Variants in FUT9 observed in about 807,000 individuals in gnomAD.
FUT9 encodes 4-galactosyl-N-acetylglucosaminide 3-alpha-L-fucosyltransferase 9.
In FUT9, 15 loss-of-function variants were observed where a neutral mutation model predicts 29.7. The observed-to-expected ratio is 0.51, with a 90% CI of 0.34 to 0.78. The LOEUF is 0.78. Ranked by LOEUF, FUT9 falls within the 30% of genes least tolerant of loss-of-function variation. The pLI, the probability that FUT9 is intolerant of heterozygous loss-of-function variation, is 0.01. For missense variants in FUT9, 319 were observed against 425.4 expected, an observed-to-expected ratio of 0.75 and a Z score of 2.20; for synonymous variants, 169 against 153.7, an observed-to-expected ratio of 1.10 and a Z score of -0.74.
intron 1 of FUT9, among the ~76,000 whole-genome samples, chr6:96,068,200 A>T (rs1770995448): frequency 6.6e-6 from 1 of 152,158 alleles, no homozygotes; most frequent in South Asian, 2.1e-4. Flanking sequence ...GAAATCAACC[A>T]TGTACAGGTC....
rs555878180 is a variant in FUT9, at chr6:96,202,310, G to T, written c.-8-838G>T. Among the ~76,000 whole-genome samples the T allele has an allele frequency of 5.9e-5, 9 of 151,898 alleles. No homozygotes were observed. In the East Asian group the frequency reaches 1.5e-3, roughly 26 times the overall value. The stretch of plus-strand genomic sequence containing the variant: ...TTCATGAAATATAGCCCTTTTTTGA[G>T]AATTTGTTTATTTTTATAATACCGA... On this transcript the variant is annotated intron_variant, in intron 2 of 2. Coordinates refer to ENST00000302103, the MANE Select transcript of FUT9 (RefSeq NM_006581.4).
intron 2 of FUT9, among the ~76,000 whole-genome samples, chr6:96,170,312 AT>A (rs1773088451): frequency 6.6e-6 from 1 of 152,116 alleles, no homozygotes. Flanking sequence ...TAAATGTTTT[AT>A]TGGATAAATG....
chr6:96,018,282 T>C (rs1440688556), intron 1 of FUT9, among the ~76,000 whole-genome samples: 1 of 152,094 alleles, frequency 6.6e-6, no homozygotes, highest in Non-Finnish European at 1.5e-5. Flanking sequence ...AAGCAAGGAG[T>C]AATACTTTGA....
chr6:96,070,831 C>T (rs544134247), intron 1 of FUT9, among the ~76,000 whole-genome samples: 10 of 152,086 alleles, frequency 6.6e-5, no homozygotes, highest in African/African-American at 2.4e-4. Context: ...TATAATATAT[C>T]CTAGATTCTC....
intron 1 of FUT9, among the ~76,000 whole-genome samples, chr6:96,043,436 T>G (rs1335190569): frequency 1.3e-5 from 2 of 152,232 alleles, no homozygotes; most frequent in Non-Finnish European, 2.9e-5. Context: ...TTACAATAGA[T>G]GGCAGTCATA....
intron 2 of FUT9, among the ~76,000 whole-genome samples, chr6:96,119,371 T>C (rs143812528): frequency 2.0e-5 from 3 of 152,314 alleles, no homozygotes; most frequent in African/African-American, 7.2e-5. Context: ...GTTTGTAGCC[T>C]AGAAACAATA....
chr6:96,080,794 A>G (rs1005143382), intron 1 of FUT9, among the ~76,000 whole-genome samples: 2 of 151,908 alleles, frequency 1.3e-5, no homozygotes, highest in Admixed American at 1.3e-4. Context: ...TTCAAAATGC[A>G]TATATCTAAC....
chr6:96,048,034 C>T (rs748324191), intron 1 of FUT9, among the ~76,000 whole-genome samples: 11 of 152,108 alleles, frequency 7.2e-5, no homozygotes, highest in Non-Finnish European at 1.0e-4. Flanking sequence ...ATCTTCTAGA[C>T]GCTGCCTGCA....
At chr6:96,073,883 T>C (rs534772137) in intron 1 of FUT9, among the ~76,000 whole-genome samples, 2 of 152,210 alleles carry the variant, frequency 1.3e-5, no homozygotes, top group Non-Finnish European at 2.9e-5. Context: ...CATTCATTCA[T>C]TCCCAACTTG....
intron 1 of FUT9, among the ~76,000 whole-genome samples, chr6:96,097,113 G>A (rs763481389): frequency 6.6e-6 from 1 of 152,152 alleles, no homozygotes; most frequent in African/African-American, 2.4e-5. Flanking sequence ...GAAGACACAG[G>A]TCAGCATCTA....
At chr6:96,023,251 T>C (rs191826296) in intron 1 of FUT9, among the ~76,000 whole-genome samples, 8 of 152,096 alleles carry the variant, frequency 5.3e-5, no homozygotes, top group African/African-American at 1.9e-4. Flanking sequence ...GGATTAAACA[T>C]TGTGAATCTG....
chr6:96,096,310 A>G (rs539414719), intron 1 of FUT9, among the ~76,000 whole-genome samples: 35 of 152,160 alleles, frequency 2.3e-4, no homozygotes, highest in African/African-American at 8.2e-4. Context: ...CACCTCAATC[A>G]TTCTAATCCA....
At chr6:96,200,154 G>A (rs1032000313) in intron 2 of FUT9, among the ~76,000 whole-genome samples, 4 of 152,122 alleles carry the variant, frequency 2.6e-5, no homozygotes, top group African/African-American at 7.2e-5. Context: ...ATAGGTGTGT[G>A]TGTGTATAAG....
rs1773947815 is a variant in FUT9 at position 96,212,076 on chromosome 6, A to C, written c.*7841A>C. 2.4e-6 allele frequency: 1 copy of C among 412,394 alleles called. No homozygotes were observed. Among genetic ancestry groups the C allele is most frequent in the African/African-American group, 2.1e-5 (1 of 48,598 alleles). The allele number at this position is 412,394 out of a possible 1,614,324, so 25.5% of individuals were successfully genotyped here. ...TGGCTGCATTCCATTTTGATTAATG[A>C]GGGTTCAGGAAATAGAAAGGCAGTC... is the stretch of plus-strand genomic sequence containing the variant. On this transcript the variant is annotated 3_prime_UTR_variant, in exon 3 of 3. Coordinates refer to ENST00000302103, the MANE Select transcript of FUT9 (RefSeq NM_006581.4).
chr6:96,117,112 C>T (rs11751337), intron 2 of FUT9, among the ~76,000 whole-genome samples: 1 of 152,032 alleles, frequency 6.6e-6, no homozygotes, highest in African/African-American at 2.4e-5. Flanking sequence ...TTTGAAAGGA[C>T]AAAATCTGCA....
chr6:96,119,977 T>C (rs4452646), intron 2 of FUT9, among the ~76,000 whole-genome samples: 104,980 of 152,020 alleles, frequency 0.69, 37,459 homozygotes, highest in East Asian at 0.84. Flanking sequence ...AATAATAGTA[T>C]AGTAGGTATA....
intron 2 of FUT9, among the ~76,000 whole-genome samples, chr6:96,122,114 A>G (rs1380180046): frequency 6.6e-6 from 1 of 152,164 alleles, no homozygotes; most frequent in Admixed American, 6.5e-5. Context: ...TCTCCATCTA[A>G]AACTTCTGCT....
rs1416422592 is a variant in FUT9, at chr6:96,198,207, G to A, written c.-8-4941G>A. On this transcript the variant is annotated intron_variant, in intron 2 of 2. Coordinates refer to ENST00000302103, the MANE Select transcript of FUT9 (RefSeq NM_006581.4). ...ATGTATACATGTGCCATGCTGCTGCGCTGCACCCACTAACTCGTCATCTAG... is the reference window on the plus strand; with the variant it reads ...ATGTATACATGTGCCATGCTGCTGCACTGCACCCACTAACTCGTCATCTAG... Among the ~76,000 whole-genome samples the A allele has an allele frequency of 5.3e-5, 8 of 151,570 alleles. No homozygotes were observed. The South Asian group carries it at 1.0e-3, about 20-fold the overall frequency.
chr6:96,087,445 C>A (rs1771336474), intron 1 of FUT9, among the ~76,000 whole-genome samples: 1 of 146,528 alleles, frequency 6.8e-6, no homozygotes, highest in Non-Finnish European at 1.5e-5. Flanking sequence ...CAGCTCACTG[C>A]AACCTCTGCC....
Sources: allele counts gnomAD v4.1 joint callset (sites outside exome capture counted in the v4.1 genomes callset), GRCh38; gene constraint gnomAD v4.1.1; transcripts MANE v1.5; gene names NCBI Gene and HGNC (gene_info 2026-07-23, HGNC 2026-07-21).